Variants in OR3A2 observed in about 807,000 individuals in gnomAD.
OR3A2 encodes olfactory receptor family 3 subfamily A member 2.
For synonymous variants in OR3A2, 126 were observed against 159.3 expected (o/e 0.79, Z 1.57); for missense variants, 318 against 392.8 (o/e 0.81, Z 1.61).
intron 2 of OR3A2, among the ~76,000 whole-genome samples, chr17:3,365,790 G>A (rs553907022): frequency 6.6e-6 from 1 of 152,166 alleles, no homozygotes; most frequent in Non-Finnish European, 1.5e-5. Context: ...AAAATACAAC[G>A]TGTCTTTGCC....
intron 3 of OR3A2, chr17:3,310,938 G>A (rs368137046): frequency 5.0e-6 from 3 of 599,944 alleles, no homozygotes; most frequent in Non-Finnish European, 6.3e-6. Flanking sequence ...AGCTTTCATG[G>A]GTGTGGCCCC....
At chr17:3,295,518 C>A (rs1161624210) in intron 3 of OR3A2, among the ~76,000 whole-genome samples, 1 of 152,006 alleles carries the variant, frequency 6.6e-6, no homozygotes, top group Non-Finnish European at 1.5e-5. Context: ...AAATGTAGCC[C>A]TTACAGTGAA....
intron 1 of OR3A2, among the ~76,000 whole-genome samples, chr17:3,280,254 C>T (rs74844701): frequency 0.011 from 1,673 of 151,994 alleles, 19 homozygotes; most frequent in Non-Finnish European, 0.017. Context: ...TGGAAAACCA[C>T]GCTGAAGTCA....
intron 2 of OR3A2, among the ~76,000 whole-genome samples, chr17:3,340,358 T>G (rs982385636): frequency 6.6e-6 from 1 of 152,196 alleles, no homozygotes; most frequent in Admixed American, 6.5e-5. Context: ...CATTGTGATG[T>G]TAGGGTGTCA....
intron 2 of OR3A2, among the ~76,000 whole-genome samples, chr17:3,340,901 A>C (rs2150647391): frequency 6.6e-6 from 1 of 152,270 alleles, no homozygotes; most frequent in African/African-American, 2.4e-5. Flanking sequence ...TGGGAGTCTA[A>C]GTCTCTTTGT....
intron 2 of OR3A2, among the ~76,000 whole-genome samples, chr17:3,378,860 G>A (rs1216492637): frequency 1.3e-5 from 2 of 152,138 alleles, no homozygotes; most frequent in African/African-American, 4.8e-5. Context: ...ACTGTAACTT[G>A]CTGTGCCCAA....
intron 2 of OR3A2, among the ~76,000 whole-genome samples, chr17:3,337,028 G>C (rs2049279228): frequency 6.6e-6 from 1 of 152,138 alleles, no homozygotes; most frequent in Non-Finnish European, 1.5e-5. Flanking sequence ...TCCGATATCT[G>C]TGTCTAATTT....
At chr17:3,306,979 TTGTG>T (rs552249934) in intron 3 of OR3A2, among the ~76,000 whole-genome samples, 57 of 152,370 alleles carry the variant, frequency 3.7e-4, no homozygotes, top group Non-Finnish European at 7.5e-4. Context: ...GCACGCGTGC[TTGTG>T]TGTGTGCGCA....
At chr17:3,284,111 G>A (rs543389325) in intron 1 of OR3A2, among the ~76,000 whole-genome samples, 4,629 of 148,756 alleles carry the variant, frequency 0.031, 234 homozygotes, top group African/African-American at 0.11. Context: ...CAGTGGGTGC[G>A]GGCAGTGAAC....
chr17:3,353,706 A>G (rs2049439822), intron 2 of OR3A2, among the ~76,000 whole-genome samples: 6 of 151,826 alleles, frequency 4.0e-5, no homozygotes, highest in Admixed American at 3.9e-4. Flanking sequence ...CATGATAGGT[A>G]TATATTTATA....
intron 2 of OR3A2, among the ~76,000 whole-genome samples, chr17:3,363,420 G>A (rs2049535443): frequency 6.6e-6 from 1 of 151,726 alleles, no homozygotes; most frequent in South Asian, 2.1e-4. Context: ...AGCATAGCAA[G>A]AGTAACCTTT....
chr17:3,350,688 C>T (rs2049412675), intron 2 of OR3A2, among the ~76,000 whole-genome samples: 1 of 151,124 alleles, frequency 6.6e-6, no homozygotes, highest in African/African-American at 2.4e-5. Flanking sequence ...TTTTATGAGG[C>T]CAGCATCATC....
intron 2 of OR3A2, among the ~76,000 whole-genome samples, chr17:3,348,406 G>A (rs938548733): frequency 1.3e-5 from 2 of 152,078 alleles, no homozygotes; most frequent in African/African-American, 2.4e-5. Context: ...GAGCCGATGC[G>A]ATCAACTGGA....
intron 2 of OR3A2, among the ~76,000 whole-genome samples, chr17:3,355,127 G>T (rs1231111593): frequency 6.6e-6 from 1 of 151,078 alleles, no homozygotes; most frequent in African/African-American, 2.4e-5. Context: ...TCTTATTATT[G>T]ATTTCTACTT....
chr17:3,381,865 G>A (rs561189715), intron 2 of OR3A2, among the ~76,000 whole-genome samples: 10 of 152,246 alleles, frequency 6.6e-5, no homozygotes, highest in African/African-American at 1.4e-4. Context: ...ACCTTGTGCC[G>A]AGCCTGAGGT....
At chr17:3,376,913 C>T (rs1234443255) in intron 2 of OR3A2, among the ~76,000 whole-genome samples, 2 of 152,126 alleles carry the variant, frequency 1.3e-5, no homozygotes, top group African/African-American at 4.8e-5. Flanking sequence ...CTTTCTATTG[C>T]TTCTTCTACT....
intron 3 of OR3A2, among the ~76,000 whole-genome samples, chr17:3,325,255 C>A (rs1350685625): frequency 2.9e-5 from 4 of 137,498 alleles, no homozygotes; most frequent in African/African-American, 1.1e-4. Context: ...GTCGCCCAGA[C>A]TGGGAGTGCA....
At chr17:3,310,449 A>G (rs1202937690) in intron 3 of OR3A2, 3 of 535,514 alleles carry the variant, frequency 5.6e-6, no homozygotes, top group Non-Finnish European at 7.7e-6. Context: ...AGGCACCCTC[A>G]GCATCCTGGC....
intron 2 of OR3A2, among the ~76,000 whole-genome samples, chr17:3,338,787 G>GT (rs1423113046): frequency 1.3e-5 from 2 of 152,164 alleles, no homozygotes; most frequent in African/African-American, 4.8e-5. Context: ...CTTTAAAGTA[G>GT]TTTTTTCCAA....
Sources: allele counts gnomAD v4.1 joint callset (sites outside exome capture counted in the v4.1 genomes callset), GRCh38; gene constraint gnomAD v4.1.1; transcripts MANE v1.5; gene names NCBI Gene and HGNC (gene_info 2026-07-23, HGNC 2026-07-21).